KCTD16: variants seen among roughly 807,000 people sequenced by gnomAD.
KCTD16 encodes the protein BTB/POZ domain-containing protein KCTD16.
Under a neutral mutation model 33.2 loss-of-function variants are expected in KCTD16, and 13 were observed. The observed-to-expected ratio is 0.39, with a 90% CI of 0.25 to 0.62. The LOEUF (loss-of-function observed/expected upper bound fraction) is 0.62, where lower values mean the gene tolerates loss of function less well. Ranked by LOEUF, KCTD16 falls within the 20% of genes least tolerant of loss-of-function variation. The pLI, the probability that KCTD16 is intolerant of heterozygous loss-of-function variation, is 0.50. For synonymous variants in KCTD16, 197 were observed against 195.3 expected (o/e 1.01, Z -0.07); for missense variants, 441 against 525.1 (o/e 0.84, Z 1.57).
At chr5:144,270,323 T>C (rs972018457) in intron 3 of KCTD16, among the ~76,000 whole-genome samples, 15 of 151,970 alleles carry the variant, frequency 9.9e-5, no homozygotes, top group East Asian at 3.9e-4. Flanking sequence ...TATTAAAAAA[T>C]AGACATTATA....
At chr5:144,244,129 T>G (rs1754484242) in intron 3 of KCTD16, among the ~76,000 whole-genome samples, 1 of 152,170 alleles carries the variant, frequency 6.6e-6, no homozygotes, top group African/African-American at 2.4e-5. Context: ...CTCCCCACTC[T>G]TTGGGGGATT....
chr5:144,297,024 A>G (rs1300066101), intron 3 of KCTD16, among the ~76,000 whole-genome samples: 4 of 152,206 alleles, frequency 2.6e-5, no homozygotes, highest in African/African-American at 9.6e-5. Flanking sequence ...TCTGTAACTT[A>G]TATGGTTTCA....
chr5:144,222,735 G>A (rs1054424561), intron 3 of KCTD16, among the ~76,000 whole-genome samples: 10 of 152,172 alleles, frequency 6.6e-5, no homozygotes, highest in Non-Finnish European at 1.0e-4. Flanking sequence ...ACAGCGTAGC[G>A]ATTCCTCAAA....
At chr5:144,432,878 C>A (rs1753496172) in intron 3 of KCTD16, among the ~76,000 whole-genome samples, 1 of 152,032 alleles carries the variant, frequency 6.6e-6, no homozygotes, top group South Asian at 2.1e-4. Context: ...TATTTTAAAT[C>A]TTTTAATAAA....
chr5:144,236,092 A>G (rs886377914), intron 3 of KCTD16, among the ~76,000 whole-genome samples: 6 of 152,160 alleles, frequency 3.9e-5, no homozygotes, highest in African/African-American at 1.4e-4. Context: ...GTTTTCCTGC[A>G]TGCTAGGAAC....
intron 2 of KCTD16, among the ~76,000 whole-genome samples, chr5:144,180,844 A>G (rs765586770): frequency 3.3e-5 from 5 of 152,216 alleles, no homozygotes; most frequent in Non-Finnish European, 7.3e-5. Context: ...AAGTCATGTG[A>G]TATTCTGAGG....
At chr5:144,440,802 T>A (rs892060179) in intron 3 of KCTD16, among the ~76,000 whole-genome samples, 1 of 152,154 alleles carries the variant, frequency 6.6e-6, no homozygotes, top group African/African-American at 2.4e-5. Context: ...GCAGGTTTGT[T>A]ACATACGTAT....
At chr5:144,347,631 A>C (rs1752839619) in intron 3 of KCTD16, among the ~76,000 whole-genome samples, 1 of 152,134 alleles carries the variant, frequency 6.6e-6, no homozygotes, top group South Asian at 2.1e-4. Flanking sequence ...CCTCTACATG[A>C]GAAGAAGCCA....
At chr5:144,275,434 T>G (rs1755412147) in intron 3 of KCTD16, among the ~76,000 whole-genome samples, 3 of 152,178 alleles carry the variant, frequency 2.0e-5, no homozygotes, top group African/African-American at 7.2e-5. Flanking sequence ...GACCCACTGG[T>G]ACTATTTACT....
chr5:144,288,361 A>G (rs1053824051), intron 3 of KCTD16, among the ~76,000 whole-genome samples: 3 of 152,168 alleles, frequency 2.0e-5, no homozygotes, highest in East Asian at 3.9e-4. Flanking sequence ...GGGCTCATCA[A>G]CGTGTTGTGG....
intron 2 of KCTD16, among the ~76,000 whole-genome samples, chr5:144,198,124 A>G (rs1434276319): frequency 6.6e-6 from 1 of 152,204 alleles, no homozygotes; most frequent in Non-Finnish European, 1.5e-5. Flanking sequence ...TAGCATGTAG[A>G]ACTCAATGTC....
At chr5:144,372,340 A>T (rs1003092451) in intron 3 of KCTD16, among the ~76,000 whole-genome samples, 1 of 152,048 alleles carries the variant, frequency 6.6e-6, no homozygotes, top group Admixed American at 6.6e-5. Context: ...CTATTCATTC[A>T]TTTATTTGTT....
chr5:144,266,011 CAG>C (rs1441190655), intron 3 of KCTD16, among the ~76,000 whole-genome samples: 1 of 152,072 alleles, frequency 6.6e-6, no homozygotes, highest in East Asian at 1.9e-4. Context: ...TTCATGTGGT[CAG>C]AGGATATTAA....
At chr5:144,354,376 T>C (rs1011145271) in intron 3 of KCTD16, among the ~76,000 whole-genome samples, 1 of 152,160 alleles carries the variant, frequency 6.6e-6, no homozygotes, top group Non-Finnish European at 1.5e-5. Flanking sequence ...CTGTAGACCT[T>C]TTCCCAAAAC....
At chr5:144,280,851 C>T (rs965644275) in intron 3 of KCTD16, among the ~76,000 whole-genome samples, 76 of 141,978 alleles carry the variant, frequency 5.4e-4, no homozygotes, top group African/African-American at 1.5e-3. Context: ...GGCGTGAACC[C>T]GGCAGGCGGA....
chr5:144,425,141 T>C (rs1399484405), intron 3 of KCTD16, among the ~76,000 whole-genome samples: 1 of 152,008 alleles, frequency 6.6e-6, no homozygotes, highest in Non-Finnish European at 1.5e-5. Context: ...AATACAATAG[T>C]AGATCAGGCA....
intron 3 of KCTD16, among the ~76,000 whole-genome samples, chr5:144,382,334 G>A (rs776722366): frequency 1.1e-4 from 17 of 151,730 alleles, no homozygotes; most frequent in African/African-American, 3.6e-4. Context: ...CCAGCAATAC[G>A]CAATTTACTC....
intron 3 of KCTD16, among the ~76,000 whole-genome samples, chr5:144,322,131 C>T (rs915767990): frequency 7.2e-5 from 11 of 151,858 alleles, no homozygotes; most frequent in African/African-American, 2.7e-4. Flanking sequence ...TTTTTATTGT[C>T]CTGAGTTTAT....
intron 3 of KCTD16, among the ~76,000 whole-genome samples, chr5:144,301,687 C>T (rs1751448611): frequency 6.6e-6 from 1 of 152,198 alleles, no homozygotes; most frequent in South Asian, 2.1e-4. Context: ...TCATTTTTAA[C>T]AACATGGAAA....
Sources: allele counts gnomAD v4.1 joint callset (sites outside exome capture counted in the v4.1 genomes callset), GRCh38; gene constraint gnomAD v4.1.1; transcripts MANE v1.5; gene names NCBI Gene and HGNC (gene_info 2026-07-23, HGNC 2026-07-21).